The following DMRT1 variants were observed in gnomAD, a reference collection of about 807,000 sequenced individuals.
The protein encoded by DMRT1 is doublesex- and mab-3-related transcription factor 1.
A neutral mutation model predicts 32.3 loss-of-function variants in DMRT1; 7 were observed. The ratio of observed to expected loss-of-function variants is 0.22; its 90% CI spans 0.12 to 0.41. The LOEUF is 0.41. Among genes scored for constraint, DMRT1 ranks in the 10% least tolerant of loss-of-function variants. The probability of loss-of-function intolerance (pLI) is 1.00; values close to 1 mark genes in which losing one functional copy is unlikely to be tolerated. For missense variants in DMRT1, 625 were observed against 500.5 expected (o/e 1.25, Z -2.37); for synonymous variants, 278 against 206.1 (o/e 1.35, Z -2.99).
intron 2 of DMRT1, among the ~76,000 whole-genome samples, chr9:863,366 C>A (rs1815814477): frequency 6.6e-6 from 1 of 151,028 alleles, no homozygotes; most frequent in Non-Finnish European, 1.5e-5. Flanking sequence ...CAGAACCTTT[C>A]CTGGCTGCAA....
chr9:893,797 C>T, intron 2 of DMRT1, 115 bp from the exon 3 acceptor site: 2 of 947,038 alleles, frequency 2.1e-6, no homozygotes. Context: ...ATGGTTTTGT[C>T]TTCTGCATAT....
At chr9:842,262 T>C in intron 1 of DMRT1, 70 bp downstream of exon 1, 4 of 1,456,452 alleles carry the variant, frequency 2.7e-6, no homozygotes, top group Non-Finnish European at 3.6e-6. Flanking sequence ...TTAGATGGAG[T>C]CTCGCTCGGT....
At chr9:867,236 T>G (rs889497169) in intron 2 of DMRT1, among the ~76,000 whole-genome samples, 3 of 152,178 alleles carry the variant, frequency 2.0e-5, no homozygotes, top group African/African-American at 4.8e-5. Context: ...CAAAGAAATG[T>G]AATTCTCACA....
At chr9:912,372 C>G (rs1032459001) in intron 3 of DMRT1, among the ~76,000 whole-genome samples, 3 of 152,200 alleles carry the variant, frequency 2.0e-5, no homozygotes, top group Admixed American at 6.5e-5. Flanking sequence ...GAGTCTGACC[C>G]TTTGTATCTT....
intron 2 of DMRT1, 120 bp downstream of exon 2, chr9:847,263 T>TAA (rs1300153229): frequency 2.7e-6 from 3 of 1,111,022 alleles, no homozygotes; most frequent in Non-Finnish European, 3.8e-6. Context: ...GAGGATTCTG[T>TAA]AGAGGATTCT....
intron 1 of DMRT1, among the ~76,000 whole-genome samples, chr9:845,966 C>T (rs1035915963): frequency 6.6e-6 from 1 of 151,760 alleles, no homozygotes; most frequent in Admixed American, 6.6e-5. Context: ...TTCTGTGTAC[C>T]ACTCTTGTGG....
intron 2 of DMRT1, among the ~76,000 whole-genome samples, chr9:867,697 G>A (rs896754392): frequency 6.6e-6 from 1 of 152,126 alleles, no homozygotes; most frequent in South Asian, 2.1e-4. Flanking sequence ...GCCCTACATC[G>A]GGCTCCATTA....
chr9:852,118 G>A (rs898308048), intron 2 of DMRT1, among the ~76,000 whole-genome samples: 1 of 151,828 alleles, frequency 6.6e-6, no homozygotes, highest in Non-Finnish European at 1.5e-5. Context: ...TTGTATTTTA[G>A]TAGAGATGGG....
chr9:903,436 T>TG (rs1190358186), intron 3 of DMRT1, among the ~76,000 whole-genome samples: 2 of 152,240 alleles, frequency 1.3e-5, no homozygotes, highest in African/African-American at 4.8e-5. Flanking sequence ...TGGTTTTTAT[T>TG]ACACCTTTCC....
rs1818029338 is a variant in DMRT1, at chr9:912,644, T to G, written c.823-4119T>G. ...ATCTTTTTGTCAAATAATACATACA[T>G]TGGGATTGGCAGCGTTAGCCAGTCT... On this transcript the variant is annotated intron_variant, in intron 3 of 4. Coordinates refer to ENST00000382276, the MANE Select transcript of DMRT1 (RefSeq NM_021951.3). 2.6e-5 allele frequency among the ~76,000 whole-genome samples: 4 copies of G among 152,360 alleles called. No homozygotes were observed. The South Asian group carries it at 8.3e-4, about 32-fold the overall frequency.
At chr9:931,542 CT>C (rs1564259652) in intron 4 of DMRT1, among the ~76,000 whole-genome samples, 1 of 152,156 alleles carries the variant, frequency 6.6e-6, no homozygotes, top group Non-Finnish European at 1.5e-5. Context: ...AATTTATTTT[CT>C]TATAGTCTGG....
At chr9:902,440 C>G (rs954906151) in intron 3 of DMRT1, among the ~76,000 whole-genome samples, 6 of 151,226 alleles carry the variant, frequency 4.0e-5, no homozygotes, top group East Asian at 1.9e-4. Flanking sequence ...ATTATGTGGA[C>G]TTACATTTGT....
intron 3 of DMRT1, among the ~76,000 whole-genome samples, chr9:911,478 T>G (rs1302506782): frequency 2.1e-5 from 1 of 48,056 alleles, no homozygotes; most frequent in African/African-American, 1.6e-4. Context: ...GCATTTTTTT[T>G]TTTTTTTTTT....
At chr9:938,238 G>C (rs966845066) in intron 4 of DMRT1, among the ~76,000 whole-genome samples, 8 of 152,044 alleles carry the variant, frequency 5.3e-5, no homozygotes, top group Non-Finnish European at 1.0e-4. Flanking sequence ...TTCTTTTCAG[G>C]TTATGTTGGC....
chr9:858,431 G>C (rs1256201861), intron 2 of DMRT1, among the ~76,000 whole-genome samples: 2 of 152,128 alleles, frequency 1.3e-5, no homozygotes, highest in Non-Finnish European at 2.9e-5. Flanking sequence ...CTAGTTACTT[G>C]GTGGTTTGAG....
At chr9:879,203 C>T (rs752644291) in intron 2 of DMRT1, among the ~76,000 whole-genome samples, 1 of 152,048 alleles carries the variant, frequency 6.6e-6, no homozygotes, top group East Asian at 1.9e-4. Context: ...TGCAGAATCT[C>T]TCTACAACCT....
intron 2 of DMRT1, among the ~76,000 whole-genome samples, chr9:867,032 G>T (rs1816022421): frequency 6.6e-6 from 1 of 152,078 alleles, no homozygotes; most frequent in Non-Finnish European, 1.5e-5. Flanking sequence ...CAGGGGAAGG[G>T]CAACAAAAAT....
At chr9:933,474 TAG>T (rs1818790885) in intron 4 of DMRT1, among the ~76,000 whole-genome samples, 1 of 152,146 alleles carries the variant, frequency 6.6e-6, no homozygotes, top group Non-Finnish European at 1.5e-5. Context: ...CGATGCTGAA[TAG>T]AGAGAATGGG....
intron 2 of DMRT1, among the ~76,000 whole-genome samples, chr9:861,602 C>T (rs571643330): frequency 1.3e-4 from 19 of 149,646 alleles, no homozygotes; most frequent in Admixed American, 3.3e-4. Context: ...GGGTGGCGGC[C>T]GGGCAGAGGG....
Sources: allele counts gnomAD v4.1 joint callset (sites outside exome capture counted in the v4.1 genomes callset), GRCh38; gene constraint gnomAD v4.1.1; transcripts MANE v1.5; gene names NCBI Gene and HGNC (gene_info 2026-07-23, HGNC 2026-07-21).